Variants in PCDHA11 observed in about 807,000 individuals in gnomAD.
PCDHA11 encodes protocadherin alpha 11, also known as protocadherin alpha-11.
In PCDHA11, 61 loss-of-function variants were observed where a neutral mutation model predicts 70.3. The observed-to-expected ratio is 0.87, with a 90% CI of 0.71 to 1.07. The LOEUF (loss-of-function observed/expected upper bound fraction) is 1.07, where lower values mean the gene tolerates loss of function less well. PCDHA11 is among the 50% of genes least tolerant of loss of function. PCDHA11 has a pLI of 0.00. For synonymous variants in PCDHA11, 633 were observed against 555.1 expected (o/e 1.14, Z -1.97); for missense variants, 1,324 against 1,237.5 (o/e 1.07, Z -1.05).
chr5:140,888,487 ACT>A (rs1486157760), intron 1 of PCDHA11, among the ~76,000 whole-genome samples: 1 of 152,162 alleles, frequency 6.6e-6, no homozygotes, highest in Non-Finnish European at 1.5e-5. Flanking sequence ...CTGTTGAGAA[ACT>A]CTGCTTTAAA....
At chr5:140,920,269 A>G (rs1342153832) in intron 1 of PCDHA11, among the ~76,000 whole-genome samples, 1 of 152,224 alleles carries the variant, frequency 6.6e-6, no homozygotes, top group Non-Finnish European at 1.5e-5. Flanking sequence ...TTATTACTTT[A>G]TGTAATCTTA....
chr5:140,921,289 A>G (rs2080153256), intron 1 of PCDHA11, among the ~76,000 whole-genome samples: 1 of 152,172 alleles, frequency 6.6e-6, no homozygotes, highest in African/African-American at 2.4e-5. Flanking sequence ...AAAACCTCAA[A>G]TTTGCTGAAT....
intron 1 of PCDHA11, among the ~76,000 whole-genome samples, chr5:140,896,855 A>G (rs2065775013): frequency 6.6e-6 from 1 of 152,196 alleles, no homozygotes; most frequent in South Asian, 2.1e-4. Flanking sequence ...TTATGGGTAC[A>G]TAATAAGTGT....
intron 1 of PCDHA11, among the ~76,000 whole-genome samples, chr5:140,888,280 C>T (rs182771664): frequency 2.0e-5 from 3 of 152,210 alleles, no homozygotes; most frequent in African/African-American, 4.8e-5. Context: ...GTTTTGTCCC[C>T]TCTACCCCCT....
rs561153933 is a variant in PCDHA11, at chr5:140,927,279, G to A, written c.2392-51670G>A. Reference sequence around the variant, plus strand: ...CACCTCTCTTTCCTGCCGGCGACGTGCAGCTGCACATCCCCGAGTTCCTGA... The same window carrying A: ...CACCTCTCTTTCCTGCCGGCGACGTACAGCTGCACATCCCCGAGTTCCTGA... On this transcript the variant is annotated intron_variant, in intron 1 of 3. Transcript: ENST00000398640. 14 of 1,614,136 alleles carry A rather than the reference G, an allele frequency of 8.7e-6. 1 individual carries two copies. The South Asian group carries it at 1.4e-4, about 16-fold the overall frequency.
chr5:140,895,070 C>G (rs2064827781), intron 1 of PCDHA11, among the ~76,000 whole-genome samples: 1 of 152,106 alleles, frequency 6.6e-6, no homozygotes, highest in African/African-American at 2.4e-5. Context: ...GACTCAATTC[C>G]TATCAGTTCC....
At position 140,869,969 on chromosome 5, in the gene PCDHA11, G is replaced by A. The variant is rs147407508; in HGVS notation, c.866G>A (p.Arg289Lys). 57 of 1,613,134 alleles carry A rather than the reference G, an allele frequency of 3.5e-5. No individual in the cohort carries two copies. In the African/African-American group the frequency reaches 7.1e-4, roughly 20 times the overall value. Residue 289 changes from arginine (R) to lysine (K), a missense_variant, in exon 1 of 4, where the codon AGA becomes AAA. Coordinates refer to ENST00000398640, the MANE Select transcript of PCDHA11 (RefSeq NM_018902.5). ...YSLMSIKPNG[R>K]HLFTLDQNNG... Reference sequence around the variant, plus strand: ...TTAATGTCAATTAAGCCCAATGGAAGACACTTATTTACACTAGATCAAAAT... The same window carrying A: ...TTAATGTCAATTAAGCCCAATGGAAAACACTTATTTACACTAGATCAAAAT...
chr5:140,964,133 G>A (rs2095812042), intron 1 of PCDHA11, among the ~76,000 whole-genome samples: 1 of 152,182 alleles, frequency 6.6e-6, no homozygotes, highest in African/African-American at 2.4e-5. Context: ...AACTAGTAAG[G>A]TTGGCAGGAG....
chr5:141,002,679 G>A (rs1554258764), intron 3 of PCDHA11, among the ~76,000 whole-genome samples: 1 of 152,134 alleles, frequency 6.6e-6, no homozygotes, highest in Non-Finnish European at 1.5e-5. Context: ...AAACCTATAC[G>A]ACGTGCAGAT....
At chr5:140,926,611 A>G in intron 1 of PCDHA11, 1 of 348,974 alleles carries the variant, frequency 2.9e-6, no homozygotes, top group Non-Finnish European at 5.1e-6. Context: ...TCGTCTCTGC[A>G]CCCCTAGGCG....
intron 3 of PCDHA11, among the ~76,000 whole-genome samples, chr5:140,983,182 C>G (rs782457174): frequency 1.3e-5 from 2 of 152,188 alleles, no homozygotes; most frequent in Non-Finnish European, 2.9e-5. Flanking sequence ...CTCACAATTT[C>G]TTAGTTTAGA....
intron 1 of PCDHA11, among the ~76,000 whole-genome samples, chr5:140,956,765 C>T (rs2095308216): frequency 6.6e-6 from 1 of 152,134 alleles, no homozygotes; most frequent in Non-Finnish European, 1.5e-5. Flanking sequence ...AGCTGTAAAT[C>T]TGTCTGGTCC....
chr5:140,907,705 G>A (rs2073545190), intron 1 of PCDHA11, among the ~76,000 whole-genome samples: 1 of 152,204 alleles, frequency 6.6e-6, no homozygotes, highest in Non-Finnish European at 1.5e-5. Context: ...CCCTGTTGCT[G>A]AGCCCATGTG....
chr5:140,986,366 G>A (rs149115330), intron 3 of PCDHA11, among the ~76,000 whole-genome samples: 226 of 152,252 alleles, frequency 1.5e-3, no homozygotes, highest in African/African-American at 5.1e-3. Context: ...GGAGGAATGC[G>A]TTTTGGGGGG....
intron 1 of PCDHA11, among the ~76,000 whole-genome samples, chr5:140,923,820 CG>C (rs1297703305): frequency 6.6e-6 from 1 of 152,106 alleles, no homozygotes; most frequent in Non-Finnish European, 1.5e-5. Flanking sequence ...TGAAAATAGA[CG>C]TCAGTGGCAG....
intron 1 of PCDHA11, among the ~76,000 whole-genome samples, chr5:140,904,135 G>A (rs1310606905): frequency 6.6e-5 from 10 of 151,986 alleles, no homozygotes; most frequent in Non-Finnish European, 1.0e-4. Context: ...CCCATCACCC[G>A]AGCAGTATAC....
chr5:140,875,246 C>A (rs2055373842), intron 1 of PCDHA11: 3 of 955,372 alleles, frequency 3.1e-6, no homozygotes, highest in Non-Finnish European at 4.4e-6. Flanking sequence ...CTTACATAAT[C>A]AGTCACATGA....
At chr5:140,877,296 C>A (rs781799440) in intron 1 of PCDHA11, 2 of 1,613,942 alleles carry the variant, frequency 1.2e-6, no homozygotes, top group Non-Finnish European at 1.7e-6. Context: ...CTTGGCTGTC[C>A]TACGAGTTGC....
chr5:140,933,050 C>T (rs2088825990), intron 1 of PCDHA11, among the ~76,000 whole-genome samples: 1 of 152,018 alleles, frequency 6.6e-6, no homozygotes, highest in Admixed American at 6.5e-5. Context: ...GGATTACAGT[C>T]CAGGATCCTG....
Sources: allele counts gnomAD v4.1 joint callset (sites outside exome capture counted in the v4.1 genomes callset), GRCh38; gene constraint gnomAD v4.1.1; transcripts MANE v1.5; gene names NCBI Gene and HGNC (gene_info 2026-07-23, HGNC 2026-07-21).